LTBP1: variants seen among roughly 807,000 people sequenced by gnomAD.
The protein encoded by LTBP1 is latent-transforming growth factor beta-binding protein 1.
A neutral mutation model predicts 207.6 loss-of-function variants in LTBP1; 129 were observed. That is an observed-to-expected ratio of 0.62 (90% CI 0.54 to 0.72). The LOEUF (loss-of-function observed/expected upper bound fraction) is 0.72, where lower values mean the gene tolerates loss of function less well. LTBP1 is among the 30% of genes least tolerant of loss of function. The probability of loss-of-function intolerance (pLI) is 0.00; values close to 1 mark genes in which losing one functional copy is unlikely to be tolerated. For missense variants in LTBP1, 2,281 were observed against 2,217.2 expected, an observed-to-expected ratio of 1.03 and a Z score of -0.58; for synonymous variants, 963 against 833.7, an observed-to-expected ratio of 1.16 and a Z score of -2.67.
At chr2:33,083,289 C>G (rs1332796149) in intron 3 of LTBP1, among the ~76,000 whole-genome samples, 1 of 151,828 alleles carries the variant, frequency 6.6e-6, no homozygotes, top group Non-Finnish European at 1.5e-5. Flanking sequence ...GGACCTGTTC[C>G]TATCTTGATT....
rs1037260789 is a variant in LTBP1 at position 32,984,282 on chromosome 2, G to A, written c.565+35337G>A. Among the ~76,000 whole-genome samples the A allele has an allele frequency of 3.3e-5, 5 of 152,304 alleles. No individual in the cohort carries two copies. In the East Asian group the frequency reaches 9.6e-4, roughly 29 times the overall value. On this transcript the variant is annotated intron_variant, in intron 2 of 33. Transcript: ENST00000404816. Reference sequence around the variant, plus strand: ...TGATACTACAAGTGGTTTTGGCCAAGTCTCTCTTTTTTTCCATCTGAATAA... The same window carrying A: ...TGATACTACAAGTGGTTTTGGCCAAATCTCTCTTTTTTTCCATCTGAATAA...
At chr2:33,296,332 T>C (rs1182524548) in intron 20 of LTBP1, among the ~76,000 whole-genome samples, 1 of 152,130 alleles carries the variant, frequency 6.6e-6, no homozygotes, top group Non-Finnish European at 1.5e-5. Context: ...TAGCATTCTC[T>C]GACCTATCCA....
chr2:33,170,656 G>A (rs1572959394), intron 5 of LTBP1, among the ~76,000 whole-genome samples: 1 of 152,308 alleles, frequency 6.6e-6, no homozygotes, highest in South Asian at 2.1e-4. Context: ...GAAGAGAGCA[G>A]TGGTTCTCCC....
intron 26 of LTBP1, 125 bp downstream of exon 26, chr2:33,347,635 C>A: frequency 1.8e-6 from 2 of 1,116,660 alleles, no homozygotes; most frequent in Non-Finnish European, 2.6e-6. Flanking sequence ...ACAGTGCTGT[C>A]TCTGGAAGCT....
intron 19 of LTBP1, among the ~76,000 whole-genome samples, chr2:33,288,010 G>A (rs901283159): frequency 1.3e-5 from 2 of 152,164 alleles, no homozygotes; most frequent in Non-Finnish European, 1.5e-5. Context: ...CACATTTGGG[G>A]TAGGGGATAA....
At chr2:33,347,117 CAAAAAAAAAA>C (rs775058448) in intron 25 of LTBP1, among the ~76,000 whole-genome samples, 1 of 51,992 alleles carries the variant, frequency 1.9e-5, no homozygotes, top group African/African-American at 7.2e-5. Context: ...GACTCCGTCT[CAAAAAAAAAA>C]AAAAAAAAAA....
rs140479516 is a variant in LTBP1, at chr2:33,284,675, C to T, written c.3112+4517C>T. 1.4e-3 allele frequency among the ~76,000 whole-genome samples: 211 copies of T among 152,198 alleles called. 2 individuals carry two copies. Among genetic ancestry groups the T allele is most frequent in the African/African-American group, 4.5e-3 (185 of 41,528 alleles). ...GTGGAGATCTGGCCTGATTGAAACC[C>T]GATGAGAGCCATCCCCCAAGGAAAC... On this transcript the variant is annotated intron_variant, in intron 19 of 33. Coordinates refer to ENST00000404816, the MANE Select transcript of LTBP1 (RefSeq NM_206943.4).
intron 5 of LTBP1, among the ~76,000 whole-genome samples, chr2:33,185,854 C>T (rs1321703468): frequency 1.3e-5 from 2 of 151,942 alleles, no homozygotes; most frequent in South Asian, 2.1e-4. Flanking sequence ...ATGGAGGAGA[C>T]GATTTAAAGA....
At chr2:32,950,487 A>G (rs536458540) in intron 2 of LTBP1, among the ~76,000 whole-genome samples, 2 of 148,772 alleles carry the variant, frequency 1.3e-5, no homozygotes, top group Admixed American at 6.9e-5. Flanking sequence ...TGAACCCAGG[A>G]GGTGAAGGTT....
chr2:33,107,110 A>T (rs143721855), intron 3 of LTBP1, among the ~76,000 whole-genome samples: 2 of 152,242 alleles, frequency 1.3e-5, no homozygotes. Context: ...CATGAAATAC[A>T]TGTAGTGGCT....
intron 2 of LTBP1, among the ~76,000 whole-genome samples, chr2:33,000,649 C>T (rs998770798): frequency 7.4e-6 from 1 of 135,342 alleles, no homozygotes; most frequent in Admixed American, 7.6e-5. Context: ...TGTCTGTAAG[C>T]GCCCAATAAA....
chr2:33,270,416 C>T lies in LTBP1; in HGVS notation c.2618-3240C>T, dbSNP rs137929143. ...CATCCTGGTTAACACGATGAAACCC[C>T]GTCTCTACTAAAAATACAAAAAAAT... is the stretch of plus-strand genomic sequence containing the variant. On this transcript the variant is annotated intron_variant, in intron 15 of 33. Coordinates refer to ENST00000404816, the MANE Select transcript of LTBP1 (RefSeq NM_206943.4). Among the ~76,000 whole-genome samples, 164 of 151,484 alleles carry T rather than the reference C, an allele frequency of 1.1e-3. 2 individuals carry two copies. The highest frequency in any genetic ancestry group is 3.7e-3 in the African/African-American group (154 of 41,328).
chr2:33,189,551 T>C (rs17566944), intron 7 of LTBP1, among the ~76,000 whole-genome samples: 23,577 of 152,224 alleles, frequency 0.15, 2,479 homozygotes, highest in Non-Finnish European at 0.23. Context: ...TCAGTTAGGA[T>C]GATCTGTGTA....
chr2:33,270,931 T>C (rs1352531640), intron 15 of LTBP1, among the ~76,000 whole-genome samples: 3 of 152,180 alleles, frequency 2.0e-5, no homozygotes, highest in Non-Finnish European at 2.9e-5. Context: ...ATCTAAGATA[T>C]TGGATTGGTG....
intron 2 of LTBP1, among the ~76,000 whole-genome samples, chr2:33,001,728 C>T (rs994860071): frequency 1.5e-5 from 2 of 134,766 alleles, no homozygotes; most frequent in African/African-American, 2.6e-5. Flanking sequence ...TGCTGCTCAT[C>T]GTATAGGCCC....
At chr2:33,139,462 A>G (rs1465027390) in intron 5 of LTBP1, among the ~76,000 whole-genome samples, 1 of 152,220 alleles carries the variant, frequency 6.6e-6, no homozygotes, top group East Asian at 1.9e-4. Context: ...AAATAACCCT[A>G]AATTAAGGTA....
intron 19 of LTBP1, among the ~76,000 whole-genome samples, chr2:33,289,421 A>G (rs963590116): frequency 3.3e-5 from 5 of 152,160 alleles, no homozygotes; most frequent in African/African-American, 9.7e-5. Context: ...GTACAACAGC[A>G]TGATCACAGC....
intron 2 of LTBP1, among the ~76,000 whole-genome samples, chr2:32,950,857 C>A (rs1210271768): frequency 2.0e-5 from 3 of 152,144 alleles, no homozygotes; most frequent in Non-Finnish European, 4.4e-5. Flanking sequence ...GAGGATAGGC[C>A]CCCATTTTCA....
intron 7 of LTBP1, among the ~76,000 whole-genome samples, chr2:33,209,016 C>T (rs1252509619): frequency 1.3e-5 from 2 of 151,766 alleles, no homozygotes; most frequent in Non-Finnish European, 2.9e-5. Context: ...TACAGGCGCC[C>T]GCCACCAAGC....
Sources: allele counts gnomAD v4.1 joint callset (sites outside exome capture counted in the v4.1 genomes callset), GRCh38; gene constraint gnomAD v4.1.1; transcripts MANE v1.5; gene names NCBI Gene and HGNC (gene_info 2026-07-23, HGNC 2026-07-21).